Variants in SLC4A4 observed in about 807,000 individuals in gnomAD.
SLC4A4 encodes electrogenic sodium bicarbonate cotransporter 1.
A neutral mutation model predicts 111.5 loss-of-function variants in SLC4A4; 27 were observed. That is an observed-to-expected ratio of 0.24 (90% confidence interval 0.18 to 0.33). SLC4A4 has a LOEUF of 0.33. Ranked by LOEUF, SLC4A4 falls within the 10% of genes least tolerant of loss-of-function variation. The pLI is 1.00. For synonymous variants in SLC4A4, 443 were observed against 463.4 expected (o/e 0.96, Z 0.57); for missense variants, 909 against 1,315.5 (o/e 0.69, Z 4.78).
At chr4:71,534,957 G>A (rs1734280961) in intron 18 of SLC4A4, among the ~76,000 whole-genome samples, 1 of 152,112 alleles carries the variant, frequency 6.6e-6, no homozygotes, top group Non-Finnish European at 1.5e-5. Context: ...ATGCCTTAGT[G>A]GTCTGGGATA....
chr4:71,566,890 C>A, intron 24 of SLC4A4, 114 bp from the exon 25 acceptor site: 3 of 757,616 alleles, frequency 4.0e-6, no homozygotes, highest in Admixed American at 2.3e-5. Flanking sequence ...AATGCCTAAA[C>A]TTGTCTTTTT....
Position 71,358,198 on chromosome 4 carries a change from C to T in SLC4A4, c.730+1011C>T, listed in dbSNP as rs547503931. 2.6e-5 allele frequency among the ~76,000 whole-genome samples: 4 copies of T among 151,976 alleles called. No homozygotes were observed. The South Asian group carries it at 8.3e-4, about 32-fold the overall frequency. ...GGGTGTGGTGGCACGCACCTTTGTC[C>T]CAGCTACTTGGGAGGGTGAGGCCAG... On this transcript the variant is annotated intron_variant, in intron 6 of 25. Transcript: ENST00000264485.
chr4:71,473,361 TTAAG>T (rs1261389985), intron 14 of SLC4A4: 4 of 474,282 alleles, frequency 8.4e-6, no homozygotes, highest in African/African-American at 1.9e-5. Context: ...ATGTCTTCCT[TTAAG>T]TAAACCTTTA....
intron 2 of SLC4A4, among the ~76,000 whole-genome samples, chr4:71,241,770 T>C (rs1720244518): frequency 1.3e-5 from 2 of 152,346 alleles, no homozygotes; most frequent in African/African-American, 2.4e-5. Context: ...AAGGAAACAA[T>C]GTATCCACAC....
At chr4:71,381,694 A>G (rs1473351006) in intron 6 of SLC4A4, among the ~76,000 whole-genome samples, 1 of 152,134 alleles carries the variant, frequency 6.6e-6, no homozygotes, top group African/African-American at 2.4e-5. Context: ...AGGCAGACAC[A>G]GTCCCTATCT....
At chr4:71,488,025 G>A (rs1729579495) in intron 15 of SLC4A4, among the ~76,000 whole-genome samples, 1 of 151,262 alleles carries the variant, frequency 6.6e-6, no homozygotes, top group Admixed American at 6.6e-5. Flanking sequence ...TCTTTCAACT[G>A]GTCAGCCTAT....
rs1180993467 is a variant in SLC4A4, at chr4:71,443,083, A to ACTCTCTCTCTCT, written c.965+2333_965+2344dup. ...CTTATGTCTATCCACAGAGGCCACT[A>ACTCTCTCTCTCT]CTCTCTCTCTCTCTCTCTCTCTCTC... On this transcript the variant is annotated intron_variant, in intron 8 of 25. Transcript: ENST00000264485. 1.5e-3 allele frequency among the ~76,000 whole-genome samples: 46 copies of ACTCTCTCTCTCT among 31,442 alleles called. 2 individuals carry two copies. Among genetic ancestry groups the ACTCTCTCTCTCT allele is most frequent in the East Asian group, 5.3e-3 (5 of 950 alleles). 20.6% of individuals were successfully genotyped at this position (31,442 alleles called of 152,430 possible).
At chr4:71,245,876 C>T (rs1465127333) in intron 2 of SLC4A4, among the ~76,000 whole-genome samples, 2 of 152,122 alleles carry the variant, frequency 1.3e-5, no homozygotes, top group East Asian at 3.9e-4. Flanking sequence ...AGGAGGAAAA[C>T]TGGGAAGAGG....
At chr4:71,079,762 T>C (rs1408631820) in intron 1 of SLC4A4, among the ~76,000 whole-genome samples, 6 of 128,078 alleles carry the variant, frequency 4.7e-5, no homozygotes, top group Non-Finnish European at 8.5e-5. Flanking sequence ...GGTGATAGAA[T>C]GAAACTCTGT....
At chr4:71,354,782 G>C (rs918591601) in intron 5 of SLC4A4, among the ~76,000 whole-genome samples, 1 of 152,156 alleles carries the variant, frequency 6.6e-6, no homozygotes, top group South Asian at 2.1e-4. Flanking sequence ...TTATATGGGA[G>C]TTTTGCCTCT....
intron 2 of SLC4A4, among the ~76,000 whole-genome samples, chr4:71,147,753 G>C (rs2148970194): frequency 6.6e-6 from 1 of 152,204 alleles, no homozygotes; most frequent in East Asian, 1.9e-4. Context: ...GGGTCCTGAG[G>C]GGGCATTGCC....
intron 2 of SLC4A4, among the ~76,000 whole-genome samples, chr4:71,175,775 CA>C (rs1449797835): frequency 6.6e-6 from 1 of 152,212 alleles, no homozygotes; most frequent in African/African-American, 2.4e-5. Context: ...AAACAAAAGG[CA>C]GCAGAATCCT....
chr4:71,470,567 C>A (rs1384580938), intron 13 of SLC4A4, among the ~76,000 whole-genome samples: 1 of 151,946 alleles, frequency 6.6e-6, no homozygotes, highest in Non-Finnish European at 1.5e-5. Context: ...ATTTAACTTC[C>A]ATTGGTCTTG....
At chr4:71,565,057 G>A (rs1205769028) in intron 24 of SLC4A4, among the ~76,000 whole-genome samples, 2 of 151,384 alleles carry the variant, frequency 1.3e-5, no homozygotes, top group African/African-American at 4.8e-5. Context: ...GAAAATTATA[G>A]TATACTCCAC....
chr4:71,087,868 G>A (rs1158398550), intron 1 of SLC4A4, among the ~76,000 whole-genome samples: 1 of 151,946 alleles, frequency 6.6e-6, no homozygotes, highest in Non-Finnish European at 1.5e-5. Context: ...GTGCTGAGAA[G>A]AATGTATATT....
chr4:71,177,116 A>G (rs1428267880), intron 2 of SLC4A4, among the ~76,000 whole-genome samples: 6 of 152,138 alleles, frequency 3.9e-5, no homozygotes, highest in Non-Finnish European at 8.8e-5. Flanking sequence ...TCCTTTACAG[A>G]CAAGCAGATA....
At chr4:71,444,764 C>A (rs540892328) in intron 8 of SLC4A4, among the ~76,000 whole-genome samples, 68 of 152,278 alleles carry the variant, frequency 4.5e-4, no homozygotes, top group South Asian at 2.7e-3. Flanking sequence ...TCAGTTTTCT[C>A]GGATTTCTCA....
intron 2 of SLC4A4, among the ~76,000 whole-genome samples, chr4:71,135,908 A>T (rs1743831445): frequency 6.6e-6 from 1 of 152,234 alleles, no homozygotes; most frequent in Non-Finnish European, 1.5e-5. Flanking sequence ...TGCCTTGCCT[A>T]GCCAGTCTCC....
intron 2 of SLC4A4, among the ~76,000 whole-genome samples, chr4:71,122,775 A>G (rs1553953516): frequency 6.6e-6 from 1 of 152,146 alleles, no homozygotes; most frequent in Non-Finnish European, 1.5e-5. Flanking sequence ...TTGCCTACCC[A>G]TCACAAAGTG....
Sources: allele counts gnomAD v4.1 joint callset (sites outside exome capture counted in the v4.1 genomes callset), GRCh38; gene constraint gnomAD v4.1.1; transcripts MANE v1.5; gene names NCBI Gene and HGNC (gene_info 2026-07-23, HGNC 2026-07-21).